Variants in SPOCK3 observed in about 807,000 individuals in gnomAD.
SPOCK3 encodes the protein testican-3.
In SPOCK3, 30 loss-of-function variants were observed where a neutral mutation model predicts 56.6. The observed-to-expected ratio is 0.53, with a 90% CI of 0.40 to 0.72. The LOEUF (loss-of-function observed/expected upper bound fraction) is 0.72, where lower values mean the gene tolerates loss of function less well. Ranked by LOEUF, SPOCK3 falls within the 30% of genes least tolerant of loss-of-function variation. SPOCK3 has a pLI of 0.00. For synonymous variants in SPOCK3, 196 were observed against 183.3 expected (o/e 1.07, Z -0.56); for missense variants, 527 against 530.0 (o/e 0.99, Z 0.06).
At chr4:167,178,569 C>T (rs1731180117) in intron 2 of SPOCK3, among the ~76,000 whole-genome samples, 2 of 152,070 alleles carry the variant, frequency 1.3e-5, no homozygotes, top group South Asian at 4.1e-4. Flanking sequence ...AATATATGCT[C>T]TTTGTTTGAC....
intron 4 of SPOCK3, among the ~76,000 whole-genome samples, chr4:166,934,227 ACACCTGTAATCCCAG>A (rs1216786199): frequency 6.6e-6 from 1 of 152,016 alleles, no homozygotes; most frequent in Non-Finnish European, 1.5e-5. Context: ...GCAGTGGCTC[ACACCTGTAATCCCAG>A]CACTTTGGGA....
At chr4:166,755,187 T>C (rs931837221) in intron 7 of SPOCK3, among the ~76,000 whole-genome samples, 1 of 152,142 alleles carries the variant, frequency 6.6e-6, no homozygotes, top group Non-Finnish European at 1.5e-5. Flanking sequence ...ATAACTTTAA[T>C]AATTCCCTAT....
chr4:167,191,094 T>G (rs529520398), intron 2 of SPOCK3, among the ~76,000 whole-genome samples: 1 of 146,008 alleles, frequency 6.8e-6, no homozygotes, highest in Non-Finnish European at 1.5e-5. Context: ...CTAATCACTA[T>G]TTTGGCTATT....
intron 6 of SPOCK3, among the ~76,000 whole-genome samples, chr4:166,816,887 G>A (rs1172447041): frequency 1.3e-5 from 2 of 152,034 alleles, no homozygotes; most frequent in African/African-American, 4.8e-5. Flanking sequence ...TGCAATGGGA[G>A]GGGTTTGATG....
At chr4:167,127,744 T>C (rs1261756469) in intron 2 of SPOCK3, among the ~76,000 whole-genome samples, 1 of 152,178 alleles carries the variant, frequency 6.6e-6, no homozygotes, top group Non-Finnish European at 1.5e-5. Flanking sequence ...ATTTCTTAAT[T>C]GGTAACCAAT....
chr4:167,113,652 C>T (rs1761095589), intron 2 of SPOCK3, among the ~76,000 whole-genome samples: 1 of 151,974 alleles, frequency 6.6e-6, no homozygotes, highest in Admixed American at 6.6e-5. Context: ...AGGATACATG[C>T]CAAGTTTCAA....
intron 3 of SPOCK3, among the ~76,000 whole-genome samples, chr4:167,053,751 T>G (rs1474911819): frequency 6.6e-6 from 1 of 151,502 alleles, no homozygotes; most frequent in Non-Finnish European, 1.5e-5. Context: ...AATGAACCAG[T>G]AGATGTTAGG....
At chr4:167,037,325 T>C (rs182738818) in intron 3 of SPOCK3, among the ~76,000 whole-genome samples, 107 of 151,924 alleles carry the variant, frequency 7.0e-4, no homozygotes, top group African/African-American at 2.5e-3. Flanking sequence ...CTACTAAAAA[T>C]ACAAAAATTA....
Position 166,839,658 on chromosome 4 carries a change from C to T in SPOCK3, c.590-47369G>A, listed in dbSNP as rs1349952677. Among the ~76,000 whole-genome samples, 3 of 152,284 alleles carry T rather than the reference C, an allele frequency of 2.0e-5. No homozygotes were observed. The East Asian group carries it at 5.8e-4, about 30-fold the overall frequency. On this transcript the variant is annotated intron_variant, in intron 6 of 10. Transcript: ENST00000357545. ...TCTTAAAATGGCACAGGTCAAGTAACATAGAACTGTGTCCTCAAGTTCACC... is the reference window on the plus strand; with the variant it reads ...TCTTAAAATGGCACAGGTCAAGTAATATAGAACTGTGTCCTCAAGTTCACC...
chr4:166,987,339 T>A (rs1432582235), intron 4 of SPOCK3, among the ~76,000 whole-genome samples: 1 of 152,180 alleles, frequency 6.6e-6, no homozygotes, highest in Non-Finnish European at 1.5e-5. Context: ...CTTCAAACAT[T>A]ATCTATAATG....
chr4:166,905,763 T>C (rs1015084981), intron 5 of SPOCK3, among the ~76,000 whole-genome samples: 1 of 151,842 alleles, frequency 6.6e-6, no homozygotes, highest in East Asian at 1.9e-4. Context: ...CTAGAAATAA[T>C]AAGTGAATTT....
chr4:166,851,768 A>G (rs1232361028), intron 6 of SPOCK3, among the ~76,000 whole-genome samples: 1 of 151,788 alleles, frequency 6.6e-6, no homozygotes, highest in East Asian at 1.9e-4. Context: ...AACTAGAAAT[A>G]CCATTTGACC....
intron 6 of SPOCK3, among the ~76,000 whole-genome samples, chr4:166,799,270 T>C (rs1219838791): frequency 6.6e-6 from 1 of 152,232 alleles, no homozygotes; most frequent in East Asian, 1.9e-4. Flanking sequence ...TGTCAAGATT[T>C]GGCTTATTGT....
chr4:166,736,801 A>T (rs1257535878), intron 10 of SPOCK3, among the ~76,000 whole-genome samples: 1 of 152,064 alleles, frequency 6.6e-6, no homozygotes, highest in Non-Finnish European at 1.5e-5. Context: ...CATTCTAGAA[A>T]AATGTTTTAT....
intron 4 of SPOCK3, among the ~76,000 whole-genome samples, chr4:166,942,877 G>A (rs914876361): frequency 2.0e-5 from 3 of 152,144 alleles, no homozygotes; most frequent in Non-Finnish European, 4.4e-5. Context: ...GTGACTTGTT[G>A]CAATTTTAAG....
intron 8 of SPOCK3, among the ~76,000 whole-genome samples, chr4:166,747,823 C>G (rs372955671): frequency 1.3e-5 from 2 of 151,962 alleles, no homozygotes; most frequent in Non-Finnish European, 2.9e-5. Flanking sequence ...AAATCACAAG[C>G]ATTCTTATAC....
At position 166,754,686 on chromosome 4, in the gene SPOCK3, G is replaced by A. The variant is rs751140273; in HGVS notation, c.753C>T (p.Gly251=). ...SILPICKDSL[G]WMFNRLDTNY... The stretch of plus-strand genomic sequence containing the variant: ...TTGTATCAAGTCTGTTAAACATCCA[G>A]CCAAGTGAGTCCTTGCAAATTGGCA... Residue 251 remains glycine, a synonymous_variant, in exon 8 of 11, where the codon GGC becomes GGT. Transcript: ENST00000357545. 8 of 1,613,506 alleles carry A rather than the reference G, an allele frequency of 5.0e-6. No homozygotes were observed. The highest frequency in any genetic ancestry group is 6.8e-6 in the Non-Finnish European group (8 of 1,179,722).
At chr4:166,856,820 A>C (rs1291083424) in intron 6 of SPOCK3, among the ~76,000 whole-genome samples, 1 of 145,132 alleles carries the variant, frequency 6.9e-6, no homozygotes, top group African/African-American at 2.5e-5. Flanking sequence ...AGATATCTAG[A>C]TATCTAGATA....
chr4:167,054,909 G>A (rs550964292), intron 3 of SPOCK3, among the ~76,000 whole-genome samples: 1 of 152,036 alleles, frequency 6.6e-6, no homozygotes, highest in East Asian at 1.9e-4. Context: ...TGTATGTATT[G>A]GTATGCATAT....
Sources: gnomAD v4.1 joint callset for allele counts (sites outside exome capture counted in the v4.1 genomes callset) on GRCh38, gnomAD v4.1.1 for gene constraint, MANE v1.5 for transcripts, NCBI Gene and HGNC (gene_info 2026-07-23, HGNC 2026-07-21) for gene names.